The following EXOC6B variants were observed in gnomAD, a reference collection of about 807,000 sequenced individuals.
EXOC6B encodes the protein SEC15 homolog B.
Under a neutral mutation model 113.5 loss-of-function variants are expected in EXOC6B, and 54 were observed. The ratio of observed to expected loss-of-function variants is 0.48; its 90% CI spans 0.38 to 0.60. EXOC6B has a LOEUF of 0.60. Ranked by LOEUF, EXOC6B falls within the 20% of genes least tolerant of loss-of-function variation. The probability of loss-of-function intolerance (pLI) is 0.00; values close to 1 mark genes in which losing one functional copy is unlikely to be tolerated. For missense variants in EXOC6B, 797 were observed against 977.5 expected (o/e 0.82, Z 2.46); for synonymous variants, 357 against 339.0 (o/e 1.05, Z -0.58).
At chr2:72,741,074 A>G (rs1681287957) in intron 2 of EXOC6B, among the ~76,000 whole-genome samples, 1 of 151,582 alleles carries the variant, frequency 6.6e-6, no homozygotes, top group Non-Finnish European at 1.5e-5. Context: ...ACTGCACTCC[A>G]GCCTGGGCGA....
intron 20 of EXOC6B, among the ~76,000 whole-genome samples, chr2:72,297,336 T>C (rs1373077763): frequency 2.0e-5 from 3 of 152,058 alleles, no homozygotes; most frequent in Non-Finnish European, 4.4e-5. Flanking sequence ...GTTTTTTTCC[T>C]GTTCCTCTCC....
At chr2:72,221,394 C>T (rs1185769628) in intron 20 of EXOC6B, among the ~76,000 whole-genome samples, 1 of 152,126 alleles carries the variant, frequency 6.6e-6, no homozygotes, top group Non-Finnish European at 1.5e-5. Flanking sequence ...CAGATATCCG[C>T]CTATTTCATC....
At chr2:72,223,189 T>A (rs751151691) in intron 20 of EXOC6B, among the ~76,000 whole-genome samples, 1 of 152,092 alleles carries the variant, frequency 6.6e-6, no homozygotes, top group Admixed American at 6.6e-5. Context: ...CTGATTTCAA[T>A]AGCTAACAGT....
chr2:72,251,868 G>T (rs1193989576), intron 20 of EXOC6B, among the ~76,000 whole-genome samples: 1 of 152,042 alleles, frequency 6.6e-6, no homozygotes, highest in Non-Finnish European at 1.5e-5. Context: ...ATCAACATTA[G>T]ATAACTAGTT....
intron 5 of EXOC6B, among the ~76,000 whole-genome samples, chr2:72,725,974 A>G (rs1486650947): frequency 1.3e-5 from 2 of 152,204 alleles, no homozygotes; most frequent in Admixed American, 6.5e-5. Flanking sequence ...AGTGATAATA[A>G]CCTAAATGTC....
chr2:72,736,053 T>G (rs1047263468), intron 2 of EXOC6B, among the ~76,000 whole-genome samples: 1 of 151,748 alleles, frequency 6.6e-6, no homozygotes, highest in South Asian at 2.1e-4. Context: ...CGTAGTGGCA[T>G]GCACCTGTAG....
intron 20 of EXOC6B, among the ~76,000 whole-genome samples, chr2:72,252,799 G>A (rs188492427): frequency 6.6e-6 from 1 of 152,218 alleles, no homozygotes; most frequent in Non-Finnish European, 1.5e-5. Flanking sequence ...GATCATTTGT[G>A]CCCCAGCCCT....
chr2:72,421,017 T>C (rs1233370465), intron 18 of EXOC6B, among the ~76,000 whole-genome samples: 1 of 152,258 alleles, frequency 6.6e-6, no homozygotes, highest in Non-Finnish European at 1.5e-5. Flanking sequence ...ATATGTTTGT[T>C]GGCTGCATAA....
rs555253962 is a variant in EXOC6B at position 72,513,316 on chromosome 2, G to C, written c.1047-64C>G. The C allele has an allele frequency of 3.1e-6, 5 of 1,592,738 alleles. No homozygotes were observed. In the South Asian group the frequency reaches 4.5e-5, roughly 14 times the overall value. On this transcript the variant is annotated intron_variant, in intron 10 of 21. Coordinates refer to ENST00000272427, the MANE Select transcript of EXOC6B (RefSeq NM_015189.3). ...TTACAGTTTTATTACTCTCTCTGGGGTTTGACAAGCATTAAGAGATACCAT... is the reference window on the plus strand; with the variant it reads ...TTACAGTTTTATTACTCTCTCTGGGCTTTGACAAGCATTAAGAGATACCAT...
intron 20 of EXOC6B, among the ~76,000 whole-genome samples, chr2:72,203,732 C>T (rs1185580965): frequency 1.3e-5 from 2 of 152,128 alleles, no homozygotes; most frequent in East Asian, 1.9e-4. Flanking sequence ...TTCCCACATT[C>T]TCAAGAGGGC....
intron 7 of EXOC6B, among the ~76,000 whole-genome samples, chr2:72,570,234 C>CA (rs1053363200): frequency 6.6e-5 from 10 of 152,276 alleles, no homozygotes; most frequent in Admixed American, 6.5e-4. Flanking sequence ...CAACTATCTG[C>CA]AAGCCAAGGA....
chr2:72,497,029 A>G (rs1700073052), intron 13 of EXOC6B, among the ~76,000 whole-genome samples: 1 of 150,468 alleles, frequency 6.6e-6, no homozygotes, highest in Non-Finnish European at 1.5e-5. Context: ...GCTGGATTGC[A>G]GTGGCATGAT....
intron 18 of EXOC6B, among the ~76,000 whole-genome samples, chr2:72,421,860 C>T (rs1477353656): frequency 6.6e-6 from 1 of 152,214 alleles, no homozygotes; most frequent in East Asian, 1.9e-4. Context: ...GGGCTGCGTG[C>T]AGCGCTTGCG....
intron 11 of EXOC6B, among the ~76,000 whole-genome samples, chr2:72,512,367 AGAAGGAAGGAAGGAAGGAAG>A (rs1281809681): frequency 3.4e-3 from 46 of 13,632 alleles, no homozygotes; most frequent in East Asian, 7.6e-3. Context: ...AAGGAAGGAA[AGAAGGAAGGAAGGAAGGAAG>A]GAAGGAAGGA....
intron 20 of EXOC6B, among the ~76,000 whole-genome samples, chr2:72,228,835 C>T (rs13389007): frequency 0.049 from 7,397 of 152,162 alleles, 202 homozygotes; most frequent in African/African-American, 0.061. Context: ...CCTGAGGAAT[C>T]GCCACACTGA....
intron 8 of EXOC6B, among the ~76,000 whole-genome samples, chr2:72,556,807 T>C (rs1323867663): frequency 3.9e-5 from 6 of 151,962 alleles, no homozygotes; most frequent in Non-Finnish European, 5.9e-5. Flanking sequence ...TGTGATTACA[T>C]GGAAACTAAA....
rs373687089 is a variant in EXOC6B, at chr2:72,825,903, C to A, written c.8G>T (p.Arg3Leu). 11 of 1,612,892 alleles carry A rather than the reference C, an allele frequency of 6.8e-6. No homozygotes were observed. The South Asian group carries it at 1.2e-4, about 18-fold the overall frequency. ...GCTCTCCGCCTCCGCCATCTTACCC[C>A]GCTCCATAGACTGGGGGCGCCCCGC... ME[R>L]GKMAEAESLE... The change falls in exon 1 of 22, where the codon CGG (arginine) becomes CTG (leucine). Residue 3 changes from arginine to leucine, a missense_variant. Physicochemically the swap from Arg to Leu is moderately radical, Grantham distance 102. Transcript: ENST00000272427. This position sits in a 1 kb window ranked among gnomAD's most constrained non-coding sequence, Gnocchi z 4.4.
At chr2:72,784,609 G>A (rs781028251) in intron 1 of EXOC6B, among the ~76,000 whole-genome samples, 4 of 152,140 alleles carry the variant, frequency 2.6e-5, no homozygotes, top group African/African-American at 9.6e-5. Flanking sequence ...AAGCAAAAGC[G>A]GAAACCCCTG....
intron 10 of EXOC6B, 41 bp downstream of exon 10, chr2:72,514,593 A>T (rs1307703034): frequency 1.2e-5 from 3 of 243,402 alleles, no homozygotes; most frequent in African/African-American, 5.6e-5. Context: ...TAAATAAATA[A>T]ATAAATAAAT....
Sources: gnomAD v4.1 joint callset for allele counts (sites outside exome capture counted in the v4.1 genomes callset) on GRCh38, gnomAD v4.1.1 for gene constraint, Gnocchi (gnomAD v3.1) non-coding constraint, MANE v1.5 for transcripts, NCBI Gene and HGNC (gene_info 2026-07-23, HGNC 2026-07-21) for gene names.